The following RYK variants were observed in gnomAD, a reference collection of about 807,000 sequenced individuals.
RYK encodes receptor like tyrosine kinase.
A neutral mutation model predicts 70.2 loss-of-function variants in RYK; 21 were observed. That is an observed-to-expected ratio of 0.30 (90% CI 0.21 to 0.43). RYK has a LOEUF of 0.43. RYK is among the 20% of genes least tolerant of loss of function. RYK has a pLI of 1.00. For missense variants in RYK, 604 were observed against 753.3 expected (o/e 0.80, Z 2.32); for synonymous variants, 267 against 278.0 (o/e 0.96, Z 0.39).
At chr3:134,211,716 T>C in intron 2 of RYK, 109 bp from the exon 3 acceptor site, 1 of 662,552 alleles carries the variant, frequency 1.5e-6, no homozygotes, top group South Asian at 1.9e-5. Flanking sequence ...CTTTCATATG[T>C]ACAAATAATC....
At chr3:134,191,762 G>A (rs2013646816) in intron 8 of RYK, 87 bp downstream of exon 8, 1 of 1,036,484 alleles carries the variant, frequency 9.6e-7, no homozygotes, top group Non-Finnish European at 1.4e-6. Flanking sequence ...CACAAAATGA[G>A]ATGAAATTTT....
At chr3:134,220,442 T>C (rs1489429012) in intron 2 of RYK, among the ~76,000 whole-genome samples, 1 of 152,144 alleles carries the variant, frequency 6.6e-6, no homozygotes, top group East Asian at 1.9e-4. Flanking sequence ...AGAGGGAGAC[T>C]GGAAGGCAAA....
At chr3:134,209,273 T>C (rs2014316808) in intron 4 of RYK, among the ~76,000 whole-genome samples, 1 of 152,196 alleles carries the variant, frequency 6.6e-6, no homozygotes, top group African/African-American at 2.4e-5. Flanking sequence ...TTAAGTAACT[T>C]GTATCAATAT....
intron 2 of RYK, among the ~76,000 whole-genome samples, chr3:134,221,297 C>T (rs1045962774): frequency 6.8e-6 from 1 of 146,088 alleles, no homozygotes; most frequent in Non-Finnish European, 1.5e-5. Flanking sequence ...CTCCGCCTCC[C>T]GGGTTCAAGT....
chr3:134,204,591 C>CCACAGCCACAGCCACA (rs58130864), intron 5 of RYK, among the ~76,000 whole-genome samples: 1 of 140,694 alleles, frequency 7.1e-6, no homozygotes, highest in Non-Finnish European at 1.5e-5. Flanking sequence ...ACAGCCACAG[C>CCACAGCCACAGCCACA]CACACACACA....
intron 4 of RYK, 35 bp from the exon 5 acceptor site, chr3:134,207,560 TTC>T: frequency 7.1e-7 from 1 of 1,404,430 alleles, no homozygotes. Flanking sequence ...GCTTTAGAAA[TTC>T]TCTTTTCCAT....
intron 8 of RYK, among the ~76,000 whole-genome samples, chr3:134,190,602 G>C (rs2013616429): frequency 6.6e-6 from 1 of 151,464 alleles, no homozygotes. Flanking sequence ...GCATTTATCA[G>C]ATTTCCAGTG....
chr3:134,195,048 A>T (rs771967360), intron 7 of RYK, 34 bp downstream of exon 7: 1 of 1,454,338 alleles, frequency 6.9e-7, no homozygotes, highest in Non-Finnish European at 9.7e-7. Flanking sequence ...AGACAACTTG[A>T]GTAAACTGGC....
intron 1 of RYK, among the ~76,000 whole-genome samples, chr3:134,222,966 C>T (rs1294802324): frequency 6.6e-6 from 1 of 152,190 alleles, no homozygotes; most frequent in East Asian, 1.9e-4. Context: ...AAAACATAAG[C>T]CTGAGCCAAG....
intron 2 of RYK, among the ~76,000 whole-genome samples, chr3:134,220,526 G>C (rs927242036): frequency 1.3e-5 from 2 of 152,140 alleles, no homozygotes; most frequent in African/African-American, 4.8e-5. Flanking sequence ...ACATCTGGCA[G>C]TATCTTTCAA....
chr3:134,210,791 A>G (rs2014368118), intron 3 of RYK, among the ~76,000 whole-genome samples: 1 of 152,210 alleles, frequency 6.6e-6, no homozygotes, highest in African/African-American at 2.4e-5. Flanking sequence ...ATTGCTAGAT[A>G]TGTAATCAGT....
At chr3:134,199,080 C>T (rs967671280) in intron 6 of RYK, among the ~76,000 whole-genome samples, 1 of 152,222 alleles carries the variant, frequency 6.6e-6, no homozygotes, top group African/African-American at 2.4e-5. Context: ...TAAAGAGAAG[C>T]TCTGCCTATC....
At chr3:134,181,940 CAGATCATGAGGTCAGG>C (rs1173033161) in intron 10 of RYK, among the ~76,000 whole-genome samples, 1 of 152,032 alleles carries the variant, frequency 6.6e-6, no homozygotes, top group Non-Finnish European at 1.5e-5. Flanking sequence ...CCGAGGTGGG[CAGATCATGAGGTCAGG>C]AGATCGAGAC....
At chr3:134,183,519 G>A (rs1333216093) in intron 9 of RYK, 6 of 152,098 alleles carry the variant, frequency 3.9e-5, no homozygotes, top group Non-Finnish European at 7.3e-5. Context: ...ATTAAACCAG[G>A]AGATGCCATT....
chr3:134,210,323 C>T (rs1338582141), intron 3 of RYK, among the ~76,000 whole-genome samples: 1 of 152,230 alleles, frequency 6.6e-6, no homozygotes, highest in African/African-American at 2.4e-5. Context: ...AAATTGTCAG[C>T]TATCACCTTT....
intron 8 of RYK, among the ~76,000 whole-genome samples, chr3:134,189,344 G>A (rs1390088993): frequency 6.6e-6 from 1 of 152,134 alleles, no homozygotes; most frequent in Non-Finnish European, 1.5e-5. Context: ...GGGAAGGCCA[G>A]GGAGTACAAG....
At chr3:134,204,332 G>GA (rs150839271) in intron 5 of RYK, among the ~76,000 whole-genome samples, 30 of 149,280 alleles carry the variant, frequency 2.0e-4, no homozygotes, top group East Asian at 1.2e-3. Flanking sequence ...CATCTCTACT[G>GA]AAAAAAAAAT....
intron 6 of RYK, among the ~76,000 whole-genome samples, chr3:134,198,206 T>C (rs1042192848): frequency 6.6e-6 from 1 of 152,246 alleles, no homozygotes; most frequent in African/African-American, 2.4e-5. Flanking sequence ...GATTATCTCA[T>C]TTGATTTTCA....
intron 2 of RYK, among the ~76,000 whole-genome samples, chr3:134,215,140 A>C (rs753771823): frequency 5.3e-5 from 8 of 152,194 alleles, no homozygotes; most frequent in Non-Finnish European, 1.0e-4. Context: ...CTCAGTTATC[A>C]CAAGGAGAGA....
Sources: allele counts gnomAD v4.1 joint callset (sites outside exome capture counted in the v4.1 genomes callset), GRCh38; gene constraint gnomAD v4.1.1; transcripts MANE v1.5; gene names NCBI Gene and HGNC (gene_info 2026-07-23, HGNC 2026-07-21).